Variants in SERPINA12 observed in about 807,000 individuals in gnomAD.
SERPINA12 encodes serpin A12.
A neutral mutation model predicts 25.9 loss-of-function variants in SERPINA12; 21 were observed. The ratio of observed to expected loss-of-function variants is 0.81; its 90% CI spans 0.58 to 1.17. The LOEUF (loss-of-function observed/expected upper bound fraction) is 1.17, where lower values mean the gene tolerates loss of function less well. Ranked by LOEUF, SERPINA12 falls within the 50% of genes most tolerant of loss-of-function variation. The pLI is 0.00. For missense variants in SERPINA12, 562 were observed against 508.3 expected (o/e 1.11, Z -1.02); for synonymous variants, 220 against 196.0 (o/e 1.12, Z -1.02).
intron 4 of SERPINA12, among the ~76,000 whole-genome samples, chr14:94,489,211 G>T (rs202141697): frequency 8.1e-6 from 1 of 124,078 alleles, no homozygotes; most frequent in Non-Finnish European, 1.9e-5. Flanking sequence ...GAAAGAAAGA[G>T]AGAAAGAGAG....
In SERPINA12 at chr14:94,487,294, A is replaced by T; in HGVS notation, c.*9T>A. On this transcript the variant is annotated 3_prime_UTR_variant, in exon 5 of 5. Transcript: ENST00000677451. ...ATGTTCGGGGTCTGTGGCAAGCAGG[A>T]ATTCTCCTTTATTTTCCAATAGGGT... 1 of 1,609,330 alleles carries T rather than the reference A, an allele frequency of 6.2e-7. No individual in the cohort carries two copies. The highest frequency in any genetic ancestry group is 8.5e-7 in the Non-Finnish European group (1 of 1,176,776).
upstream of SERPINA12, chr14:94,511,622 G>T: frequency 1.0e-6 from 1 of 985,364 alleles, no homozygotes; most frequent in Non-Finnish European, 1.2e-6. Flanking sequence ...TGAGCCATTC[G>T]ACTTCTCCTT....
chr14:94,498,922 C>T (rs1900590929), intron 1 of SERPINA12, among the ~76,000 whole-genome samples: 2 of 152,092 alleles, frequency 1.3e-5, no homozygotes, highest in African/African-American at 2.4e-5. Context: ...CTGAATGTGG[C>T]CATGGTTTCC....
intron 3 of SERPINA12, among the ~76,000 whole-genome samples, chr14:94,495,015 C>A (rs1900336669): frequency 1.3e-5 from 2 of 152,040 alleles, no homozygotes; most frequent in East Asian, 3.9e-4. Context: ...GCTCCTCCAT[C>A]CCAGTACCAT....
chr14:94,491,016 C>T (rs1406837589), intron 3 of SERPINA12, among the ~76,000 whole-genome samples: 1 of 152,194 alleles, frequency 6.6e-6, no homozygotes, highest in Admixed American at 6.5e-5. Context: ...TTCAGTCTCA[C>T]AGCTTTGAAT....
At chr14:94,494,447 G>A (rs1204031584) in intron 3 of SERPINA12, among the ~76,000 whole-genome samples, 1 of 152,180 alleles carries the variant, frequency 6.6e-6, no homozygotes, top group Non-Finnish European at 1.5e-5. Flanking sequence ...GCTTGAGAAA[G>A]GAAAATTCTG....
Position 94,498,126 on chromosome 14 carries a change from T to C in SERPINA12, c.272A>G (p.Gln91Arg), listed in dbSNP as rs1209456128. 1 of 1,614,006 alleles carries C rather than the reference T, an allele frequency of 6.2e-7. No homozygotes were observed. Among genetic ancestry groups the C allele is most frequent in the East Asian group, 2.2e-5 (1 of 44,884 alleles). Residue 91 changes from glutamine (Q) to arginine (R), a missense_variant, in exon 2 of 5, where the codon CAG becomes CGG. Physicochemically the swap from Gln to Arg is conservative, Grantham distance 43. Transcript: ENST00000677451. The part of the protein sequence containing the change: ...TAFSMLCLGA[Q>R]DSTLDEIKQG... ...CTTGATCTCGTCCAGGGTGCTGTCC[T>C]GGGCACCCAGGCACAGCATGGAGAA...
intron 1 of SERPINA12, among the ~76,000 whole-genome samples, chr14:94,501,613 G>A (rs1357539924): frequency 2.0e-5 from 3 of 150,638 alleles, no homozygotes; most frequent in Non-Finnish European, 4.4e-5. Context: ...TGATAATTTG[G>A]TTTCTTCCCC....
chr14:94,502,024 ATGTGTGTG>A (rs10626991), intron 1 of SERPINA12, among the ~76,000 whole-genome samples: 2 of 144,600 alleles, frequency 1.4e-5, no homozygotes, highest in African/African-American at 5.1e-5. Context: ...TTAGTTTGGA[ATGTGTGTG>A]TGTGTGTGTG....
At chr14:94,493,663 G>A (rs528712347) in intron 3 of SERPINA12, among the ~76,000 whole-genome samples, 91 of 152,156 alleles carry the variant, frequency 6.0e-4, no homozygotes, top group African/African-American at 1.9e-3. Flanking sequence ...TTCACGAGAC[G>A]CCACTGAGAG....
chr14:94,509,982 C>T (rs1326963805), upstream of SERPINA12: 1 of 985,334 alleles, frequency 1.0e-6, no homozygotes, highest in African/African-American at 1.7e-5. Context: ...ATGGCCCTCT[C>T]TCACCTCCCA....
At chr14:94,488,434 G>A (rs944427092) in intron 4 of SERPINA12, among the ~76,000 whole-genome samples, 3 of 151,314 alleles carry the variant, frequency 2.0e-5, no homozygotes, top group Admixed American at 6.6e-5. Flanking sequence ...ACCCATCCCC[G>A]CACCCATCTC....
chr14:94,496,513 G>C lies in SERPINA12; in HGVS notation c.765C>G (p.Leu255=), dbSNP rs747860544. The part of the protein sequence containing the change: ...GIYQVGYDDK[L]SCTILEIPYQ... ...AGGGTATTTCCAGGATGGTGCAAGA[G>C]AGCTTATCGTCATAGCCAACTTGGT... The change falls in exon 3 of 5, where the codon CTC becomes CTG. Residue 255 remains leucine, a synonymous_variant. Coordinates refer to ENST00000677451, the MANE Select transcript of SERPINA12 (RefSeq NM_001382267.1). 1.2e-6 allele frequency: 2 copies of C among 1,614,032 alleles called. No homozygotes were observed. The highest frequency in any genetic ancestry group is 1.7e-6 in the Non-Finnish European group (2 of 1,179,968).
chr14:94,497,886 T>C lies in SERPINA12; in HGVS notation c.512A>G (p.Glu171Gly), dbSNP rs755602097. The stretch of plus-strand genomic sequence containing the variant: ...GTCATTGATCTGCTTCTGAGCCATT[T>C]CCAAATTCTGAAAGTTGGTAAGGAT... ...ETILTNFQNL[E>G]MAQKQINDFI... Residue 171 changes from glutamate to glycine, a missense_variant, in exon 2 of 5, where the codon GAA becomes GGA. By Grantham distance (98) the Glu-to-Gly change is moderately conservative. Transcript: ENST00000677451. 3 of 1,614,116 alleles carry C rather than the reference T, an allele frequency of 1.9e-6. No individual in the cohort carries two copies. Among genetic ancestry groups the C allele is most frequent in the Non-Finnish European group, 2.5e-6 (3 of 1,180,062 alleles).
Position 94,496,358 on chromosome 14 carries a change from A to G in SERPINA12, c.905+15T>C, listed in dbSNP as rs766754651. ...AGAGAAGGAAAAAGCTGCGAGGGCT[A>G]GGCACCCACTTTACCTGCGTGACAG... On this transcript the variant is annotated intron_variant, in intron 3 of 4. Coordinates refer to ENST00000677451, the MANE Select transcript of SERPINA12 (RefSeq NM_001382267.1). 6.2e-7 allele frequency: 1 copy of G among 1,614,024 alleles called. No homozygotes were observed.
At chr14:94,501,035 C>G in intron 1 of SERPINA12, 1 of 985,374 alleles carries the variant, frequency 1.0e-6, no homozygotes, top group Non-Finnish European at 1.2e-6. Flanking sequence ...CTTGGTAAAA[C>G]TTAATAACAG....
At chr14:94,506,103 C>A (rs928646845) in intron 1 of SERPINA12, among the ~76,000 whole-genome samples, 2 of 152,172 alleles carry the variant, frequency 1.3e-5, no homozygotes, top group African/African-American at 4.8e-5. Context: ...GCCTGGTGTT[C>A]ATCAGGGGCT....
intron 1 of SERPINA12, among the ~76,000 whole-genome samples, chr14:94,507,433 G>A (rs1263386316): frequency 6.6e-6 from 1 of 152,188 alleles, no homozygotes; most frequent in Non-Finnish European, 1.5e-5. Flanking sequence ...CACAAGCTGG[G>A]AGTGGTACGT....
chr14:94,497,934 T>C lies in SERPINA12; in HGVS notation c.464A>G (p.Lys155Arg), dbSNP rs777989549. 6.2e-7 allele frequency: 1 copy of C among 1,614,224 alleles called. No homozygotes were observed. The highest frequency in any genetic ancestry group is 1.7e-5 in the Admixed American group (1 of 60,026). ...QPQRKFLEDA[K>R]NFYSAETILT... ...GATGGTTTCGGCACTGTAAAAGTTC[T>C]TGGCATCTTCCAAAAACTTACGCTG... The change falls in exon 2 of 5, where the codon AAG becomes AGG. Residue 155 changes from lysine to arginine, a missense_variant. By Grantham distance (26) the Lys-to-Arg change is conservative. Transcript: ENST00000677451.
Sources: gnomAD v4.1 joint callset for allele counts (sites outside exome capture counted in the v4.1 genomes callset) on GRCh38, gnomAD v4.1.1 for gene constraint, MANE v1.5 for transcripts, NCBI Gene and HGNC (gene_info 2026-07-23, HGNC 2026-07-21) for gene names.